Variants in PCSK1 observed in about 807,000 individuals in gnomAD.
The protein encoded by PCSK1 is proprotein convertase subtilisin/kexin type 1, also known as neuroendocrine convertase 1.
Under a neutral mutation model 90.6 loss-of-function variants are expected in PCSK1, and 56 were observed. The observed-to-expected ratio is 0.62, with a 90% CI of 0.50 to 0.77. The LOEUF is 0.77. Among genes scored for constraint, PCSK1 ranks in the 30% least tolerant of loss-of-function variants. PCSK1 has a pLI of 0.00. For missense variants in PCSK1, 801 were observed against 932.6 expected (o/e 0.86, Z 1.84); for synonymous variants, 348 against 342.4 (o/e 1.02, Z -0.18).
chr5:96,395,359 T>TG lies in PCSK1; in HGVS notation c.1723-335dup, dbSNP rs1208061463. ...TTATCAACTTATAGAAACATTCCAC[T>TG]GGGAAAAAAGTCAGCCTCTATGGAG... On this transcript the variant is annotated intron_variant, in intron 12 of 13. Coordinates refer to ENST00000311106, the MANE Select transcript of PCSK1 (RefSeq NM_000439.5). 5.3e-5 allele frequency among the ~76,000 whole-genome samples: 8 copies of TG among 152,314 alleles called. No homozygotes were observed. The South Asian group carries it at 1.7e-3, about 32-fold the overall frequency.
At chr5:96,413,982 A>AAG (rs1554058899) in intron 6 of PCSK1, among the ~76,000 whole-genome samples, 2 of 147,970 alleles carry the variant, frequency 1.4e-5, no homozygotes, top group African/African-American at 5.0e-5. Flanking sequence ...AAAAAAAAAA[A>AAG]AAAAAAATTA....
At position 96,412,381 on chromosome 5, in the gene PCSK1, A is replaced by G. The variant is rs746868148; in HGVS notation, c.819T>C (p.Asp273=). The G allele has an allele frequency of 5.0e-6, 8 of 1,613,454 alleles. No individual in the cohort carries two copies. Among genetic ancestry groups the G allele is most frequent in the Middle Eastern group, 1.6e-4 (1 of 6,062 alleles). The part of the protein sequence containing the change: ...IYSASWGPND[D]GKTVEGPGRL... ...GGCCAGGCCCCTCCACAGTTTTCCC[A>G]TCATCATTAGGGCCCCAGCTTGCAC... The change falls in exon 7 of 14, where the codon GAT becomes GAC. Residue 273 remains aspartate, a synonymous_variant. Transcript: ENST00000311106.
chr5:96,429,859 G>A (rs1761436474), intron 1 of PCSK1, among the ~76,000 whole-genome samples: 2 of 152,142 alleles, frequency 1.3e-5, no homozygotes, highest in South Asian at 4.1e-4. Context: ...CACAGTAGGA[G>A]GCTAGTGATG....
chr5:96,417,868 G>A lies in PCSK1; in HGVS notation c.621-1747C>T, dbSNP rs141021789. On this transcript the variant is annotated intron_variant, in intron 5 of 13. Coordinates refer to ENST00000311106, the MANE Select transcript of PCSK1 (RefSeq NM_000439.5). The stretch of plus-strand genomic sequence containing the variant: ...TGAACGCTCTTTGCCTTAGTAGAAG[G>A]AGTAATTCAGTTGTCATCTCTGAGA... Among the ~76,000 whole-genome samples, 469 of 152,266 alleles carry A rather than the reference G, an allele frequency of 3.1e-3. 4 individuals carry two copies. In the South Asian group the frequency reaches 0.034, roughly 11 times the overall value.
chr5:96,399,866 A>T, intron 10 of PCSK1, 87 bp downstream of exon 10: 1 of 1,020,174 alleles, frequency 9.8e-7, no homozygotes, highest in East Asian at 2.5e-5. Flanking sequence ...AGAAGGGTAG[A>T]TACAAAAAAA....
chr5:96,420,710 A>G (rs1170139522), intron 5 of PCSK1, among the ~76,000 whole-genome samples: 2 of 139,946 alleles, frequency 1.4e-5, no homozygotes, highest in Non-Finnish European at 3.1e-5. Context: ...TGCACCAGCC[A>G]CTTGGGAGTT....
At position 96,399,006 on chromosome 5, in the gene PCSK1, AATG is replaced by A; in HGVS notation, c.1458_1460del (p.Ile487del). On this transcript the variant is annotated inframe_deletion, in exon 11 of 14. Transcript: ENST00000311106. ...CTTCACAAGCTCTTGTTGGAATTTC[AATG>A]ATAACTTCTCCATTAGCTTTCAGGG... 6.2e-7 allele frequency: 1 copy of A among 1,612,620 alleles called. No homozygotes were observed. Among genetic ancestry groups the A allele is most frequent in the Non-Finnish European group, 8.5e-7 (1 of 1,178,850 alleles).
At chr5:96,425,646 A>G (rs1761283011) in intron 3 of PCSK1, among the ~76,000 whole-genome samples, 174 bp downstream of exon 3, 1 of 152,106 alleles carries the variant, frequency 6.6e-6, no homozygotes, top group Non-Finnish European at 1.5e-5. Flanking sequence ...ATCCTTACTC[A>G]GCAAAACAGA....
intron 7 of PCSK1, 128 bp downstream of exon 7, chr5:96,412,190 A>G (rs1760776547): frequency 1.1e-6 from 1 of 882,420 alleles, no homozygotes; most frequent in Non-Finnish European, 1.9e-6. Flanking sequence ...AAGTGCATTT[A>G]AAATTGTAAA....
chr5:96,423,288 C>A, intron 4 of PCSK1, 25 bp downstream of exon 4: 1 of 1,594,310 alleles, frequency 6.3e-7, no homozygotes, highest in South Asian at 1.1e-5. Flanking sequence ...CCCTAAGTCA[C>A]AGTCATGAGA....
rs78783804 is a variant in PCSK1 at position 96,411,810 on chromosome 5, T to G, written c.882+508A>C. On this transcript the variant is annotated intron_variant, in intron 7 of 13. Transcript: ENST00000311106. ...CCCAAATAGGGAAAATTCATTTTATTTATTTATATTTAGTTTTGAGGCAGG... is the reference window on the plus strand; with the variant it reads ...CCCAAATAGGGAAAATTCATTTTATGTATTTATATTTAGTTTTGAGGCAGG... Among the ~76,000 whole-genome samples, 5 of 152,300 alleles carry G rather than the reference T, an allele frequency of 3.3e-5. No homozygotes were observed. The East Asian group carries it at 9.6e-4, about 29-fold the overall frequency.
chr5:96,432,270 C>G (rs1186033198), intron 1 of PCSK1: 4 of 725,876 alleles, frequency 5.5e-6, no homozygotes, highest in Non-Finnish European at 9.0e-6. Flanking sequence ...TTTCTCCCCC[C>G]AGCTTCCCAG....
rs138239168 is a variant in PCSK1 at position 96,427,943 on chromosome 5, G to C, written c.285+1270C>G. 1.6e-3 allele frequency among the ~76,000 whole-genome samples: 242 copies of C among 152,186 alleles called. 1 individual carries two copies. The highest frequency in any genetic ancestry group is 5.6e-3 in the African/African-American group (234 of 41,512). On this transcript the variant is annotated intron_variant, in intron 2 of 13. Transcript: ENST00000311106. ...GTGGACAAGAAACTTCTGTAATAAG[G>C]TCCAGGGCCTCTGATTTGGTCTCCC...
intron 6 of PCSK1, among the ~76,000 whole-genome samples, chr5:96,414,274 T>C (rs558010743): frequency 8.0e-4 from 122 of 152,264 alleles, no homozygotes; most frequent in South Asian, 4.1e-3. Flanking sequence ...TTCATGATAG[T>C]CTATATGCAG....
At chr5:96,430,706 A>G (rs577062260) in intron 1 of PCSK1, among the ~76,000 whole-genome samples, 4 of 152,362 alleles carry the variant, frequency 2.6e-5, no homozygotes, top group Admixed American at 1.3e-4. Flanking sequence ...TATTATTCTA[A>G]TAAAATAATT....
rs1042716980 is a variant in PCSK1 at position 96,411,867 on chromosome 5, T to C, written c.882+451A>G. 2.6e-4 allele frequency among the ~76,000 whole-genome samples: 40 copies of C among 152,226 alleles called. 1 individual carries two copies. The highest frequency in any genetic ancestry group is 8.7e-4 in the African/African-American group (36 of 41,462). On this transcript the variant is annotated intron_variant, in intron 7 of 13. Transcript: ENST00000311106. ...CTCTGTCACCCAGGCTGGAGTGCAA[T>C]GCTGCAATCTCAGCTCACTGCTACC...
Position 96,391,135 on chromosome 5 carries a change from A to G in PCSK1, c.*1866T>C, listed in dbSNP as rs1308233573. On this transcript the variant is annotated 3_prime_UTR_variant, in exon 14 of 14. Transcript: ENST00000311106. ...AACACTTCATATCAAACAATATATG[A>G]AACTTCCAAGGACAGAGTGATTCCG... is the stretch of plus-strand genomic sequence containing the variant. The G allele has an allele frequency of 6.6e-6, 1 of 152,254 alleles. No homozygotes were observed. Among genetic ancestry groups the G allele is most frequent in the African/African-American group, 2.4e-5 (1 of 41,470 alleles). 9.4% of individuals were successfully genotyped at this position (152,254 alleles called of 1,614,324 possible). A position where few individuals can be genotyped will look rare whatever the true frequency, so the allele number is the denominator to read the frequency against.
Position 96,432,937 on chromosome 5 carries a change from C to T in PCSK1, c.106G>A (p.Ala36Thr), listed in dbSNP as rs937916641. Residue 36 changes from alanine to threonine, a missense_variant, in exon 1 of 14, where the codon GCA (alanine) becomes ACA (threonine). Physicochemically the swap from Ala to Thr is moderately conservative, Grantham distance 58. Coordinates refer to ENST00000311106, the MANE Select transcript of PCSK1 (RefSeq NM_000439.5). ...TCCGGGCCCCCGGGGATCTCCGCTG[C>T]CCATTCATTGACAAATTGCCTTTTC... ...KAKRQFVNEW[A>T]AEIPGGPEAA... The T allele has an allele frequency of 6.2e-7, 1 of 1,614,194 alleles. No homozygotes were observed. The highest frequency in any genetic ancestry group is 1.3e-5 in the African/African-American group (1 of 75,070).
rs748088472 is a variant in PCSK1 at position 96,410,838 on chromosome 5, G to C, written c.1031C>G (p.Ala344Gly). The C allele has an allele frequency of 6.2e-7, 1 of 1,614,160 alleles. No homozygotes were observed. The highest frequency in any genetic ancestry group is 1.7e-5 in the Admixed American group (1 of 60,026). The change falls in exon 8 of 14, where the codon GCT becomes GGT. Residue 344 changes from alanine (A) to glycine (G), a missense_variant. By Grantham distance (60) the Ala-to-Gly change is moderately conservative. Transcript: ENST00000311106. ...ASQQGLSPWY[A>G]EKCSSTLATS... Reference sequence around the variant, plus strand: ...GGCCAGTGTGGAGGAGCACTTCTCAGCGTACCAGGGGGATAGGCCTTGCTG... The same window carrying C: ...GGCCAGTGTGGAGGAGCACTTCTCACCGTACCAGGGGGATAGGCCTTGCTG...
Sources: allele counts gnomAD v4.1 joint callset (sites outside exome capture counted in the v4.1 genomes callset), GRCh38; gene constraint gnomAD v4.1.1; transcripts MANE v1.5; gene names NCBI Gene and HGNC (gene_info 2026-07-23, HGNC 2026-07-21).